The following RILPL1 variants were observed in gnomAD, a reference collection of about 807,000 sequenced individuals.
RILPL1 encodes Rab interacting lysosomal protein like 1, also known as RILP-like protein 1.
In RILPL1, 33 loss-of-function variants were observed where a neutral mutation model predicts 50.3. The ratio of observed to expected loss-of-function variants is 0.66; its 90% CI spans 0.50 to 0.88. The LOEUF (loss-of-function observed/expected upper bound fraction) is 0.88, where lower values mean the gene tolerates loss of function less well. RILPL1 is among the 40% of genes least tolerant of loss of function. RILPL1 has a pLI of 0.00. For missense variants in RILPL1, 418 were observed against 542.5 expected, an observed-to-expected ratio of 0.77 and a Z score of 2.28; for synonymous variants, 205 against 228.6, an observed-to-expected ratio of 0.90 and a Z score of 0.93.
intron 2 of RILPL1, among the ~76,000 whole-genome samples, chr12:123,520,706 C>T (rs1009793516): frequency 4.6e-5 from 7 of 152,270 alleles, no homozygotes; most frequent in African/African-American, 9.6e-5. Context: ...GGCAGGGAGA[C>T]GCAAGCCCCA....
At chr12:123,512,549 GTGTGTGTGTGAGGTCTGTA>G (rs1884397889) in intron 2 of RILPL1, among the ~76,000 whole-genome samples, 1 of 137,684 alleles carries the variant, frequency 7.3e-6, no homozygotes, top group African/African-American at 2.7e-5. Context: ...TCTGTGTGTG[GTGTGTGTGTGAGGTCTGTA>G]TGTGTGTGAG....
At position 123,471,622 on chromosome 12, in the gene RILPL1, A is replaced by T. The variant is rs920516697; in HGVS notation, c.*916T>A. 2.4e-4 allele frequency: 37 copies of T among 152,212 alleles called. No homozygotes were observed. Among genetic ancestry groups the T allele is most frequent in the African/African-American group, 6.3e-4 (26 of 41,396 alleles). The allele number at this position is 152,212 out of a possible 1,614,324, so 9.4% of individuals were successfully genotyped here. A position where few individuals can be genotyped will look rare whatever the true frequency, so the allele number is the denominator to read the frequency against. On this transcript the variant is annotated 3_prime_UTR_variant, in exon 7 of 7. Coordinates refer to ENST00000376874, the MANE Select transcript of RILPL1 (RefSeq NM_178314.5). ...CAGCCAGACGTGTGGTCCCCAAGCC[A>T]GCTTCCCACCTAGCACCCTTGTTCT... is the stretch of plus-strand genomic sequence containing the variant.
In RILPL1 at chr12:123,522,343, G is replaced by GC. The variant is rs975516494; in HGVS notation, c.460+1151dup. 1.5e-3 allele frequency among the ~76,000 whole-genome samples: 236 copies of GC among 152,292 alleles called. 1 individual carries two copies. Among genetic ancestry groups the GC allele is most frequent in the African/African-American group, 5.5e-3 (227 of 41,570 alleles). On this transcript the variant is annotated intron_variant, in intron 2 of 6. Coordinates refer to ENST00000376874, the MANE Select transcript of RILPL1 (RefSeq NM_178314.5). The surrounding 1 kb of genome is among the most constrained non-coding windows in gnomAD (Gnocchi z 4.0). ...TTGCGGCCCATTTGTCCTTTTCCCA[G>GC]CACCAGCAGAGGCCCTGCATGAAGG...
chr12:123,472,997 C>A, intron 6 of RILPL1: 1 of 264,660 alleles, frequency 3.8e-6, no homozygotes, highest in South Asian at 6.6e-5. Flanking sequence ...TCAAAAGCTG[C>A]TGAAACAAAT....
chr12:123,505,827 G>A (rs766860503), intron 2 of RILPL1, among the ~76,000 whole-genome samples: 10 of 152,142 alleles, frequency 6.6e-5, no homozygotes, highest in Middle Eastern at 3.4e-3. Context: ...GTCTTGCCAC[G>A]TTGCCCAGGC....
At chr12:123,511,210 G>A (rs1884153842) in intron 2 of RILPL1, among the ~76,000 whole-genome samples, 1 of 145,430 alleles carries the variant, frequency 6.9e-6, no homozygotes, top group South Asian at 2.2e-4. Context: ...AGGTCTGTAT[G>A]TGTGTGTGTG....
chr12:123,507,219 G>A (rs899077421), intron 2 of RILPL1, among the ~76,000 whole-genome samples: 16 of 152,182 alleles, frequency 1.1e-4, no homozygotes, highest in African/African-American at 3.6e-4. Context: ...ACATGCCTCA[G>A]GAGGAAGATG....
rs754927915 is a variant in RILPL1 at position 123,484,130 on chromosome 12, C to A, written c.1067+50G>T. 4.1e-6 allele frequency: 5 copies of A among 1,233,324 alleles called. No individual in the cohort carries two copies. The East Asian group carries it at 9.3e-5, about 23-fold the overall frequency. The allele number at this position is 1,233,324 out of a possible 1,614,324, so 76.4% of individuals were successfully genotyped here. A position where few individuals can be genotyped will look rare whatever the true frequency, so the allele number is the denominator to read the frequency against. On this transcript the variant is annotated intron_variant, in intron 6 of 6. Transcript: ENST00000376874. ...GCCAAGGAGGAAAAGTCAAAGGACA[C>A]GTGAACCGCCAGGTCAGCCGAGCGC...
At chr12:123,525,351 G>A (rs28833471) in intron 1 of RILPL1, among the ~76,000 whole-genome samples, 2 of 150,084 alleles carry the variant, frequency 1.3e-5, no homozygotes, top group African/African-American at 4.9e-5. Flanking sequence ...CCAGTAGCTG[G>A]GACTACAGGC....
chr12:123,475,543 C>A, intron 6 of RILPL1: 1 of 688,326 alleles, frequency 1.5e-6, no homozygotes, highest in Non-Finnish European at 2.6e-6. Context: ...AAATGGAGCA[C>A]ACAGGTGGCG....
intron 5 of RILPL1, chr12:123,484,704 G>C (rs1379672827): frequency 5.0e-6 from 1 of 199,310 alleles, no homozygotes; most frequent in Non-Finnish European, 9.7e-6. Flanking sequence ...GCCCAGGCTC[G>C]AGTGCAGTGG....
intron 6 of RILPL1, among the ~76,000 whole-genome samples, chr12:123,478,173 AT>A (rs1369273453): frequency 2.6e-5 from 4 of 151,012 alleles, no homozygotes; most frequent in African/African-American, 7.3e-5. Context: ...ATTAAAAAAA[AT>A]TTTTTTCCTC....
intron 1 of RILPL1, among the ~76,000 whole-genome samples, chr12:123,530,163 T>TTTG (rs928090067): frequency 5.9e-5 from 9 of 151,868 alleles, no homozygotes; most frequent in African/African-American, 2.2e-4. Flanking sequence ...ACCTCACTGG[T>TTTG]TTGTTGTTGT....
At chr12:123,518,984 G>A (rs932150354) in intron 2 of RILPL1, among the ~76,000 whole-genome samples, 1 of 150,000 alleles carries the variant, frequency 6.7e-6, no homozygotes, top group Non-Finnish European at 1.5e-5. Context: ...TTGAACCTGG[G>A]AGGTGGAGGT....
At chr12:123,484,637 C>T (rs1293958514) in intron 5 of RILPL1, among the ~76,000 whole-genome samples, 1 of 150,822 alleles carries the variant, frequency 6.6e-6, no homozygotes, top group East Asian at 1.9e-4. Flanking sequence ...AGTGATCTCT[C>T]CCACTCTCCC....
chr12:123,492,322 T>C (rs1049643963), intron 4 of RILPL1, among the ~76,000 whole-genome samples: 4 of 152,112 alleles, frequency 2.6e-5, no homozygotes, highest in Admixed American at 2.6e-4. Context: ...CATGCTAAGT[T>C]AAAGAAGCCA....
intron 1 of RILPL1, among the ~76,000 whole-genome samples, chr12:123,529,936 T>A (rs1885391105): frequency 6.6e-6 from 1 of 150,448 alleles, no homozygotes; most frequent in Admixed American, 6.6e-5. Flanking sequence ...AATTGCACCA[T>A]CCCATGGAAA....
intron 2 of RILPL1, chr12:123,518,463 C>T (rs1428080321): frequency 3.9e-5 from 9 of 233,718 alleles, no homozygotes; most frequent in African/African-American, 1.5e-4. Context: ...ACTATAATTG[C>T]GCCACTGCAC....
rs1882682755 is a variant in RILPL1, at chr12:123,491,434, C to T, written c.802-5629G>A. Among the ~76,000 whole-genome samples, 1 of 152,200 alleles carries T rather than the reference C, an allele frequency of 6.6e-6. No individual in the cohort carries two copies. The highest frequency in any genetic ancestry group is 1.5e-5 in the Non-Finnish European group (1 of 68,032). On this transcript the variant is annotated intron_variant, in intron 4 of 6. Coordinates refer to ENST00000376874, the MANE Select transcript of RILPL1 (RefSeq NM_178314.5). This position sits in a 1 kb window ranked among gnomAD's most constrained non-coding sequence, Gnocchi z 4.0. ...CTGCCCAGAGGCCTTAGGGAGGCAG[C>T]ATCCTGGGTCAGGGCCTCCATCCCG...
Sources: gnomAD v4.1 joint callset for allele counts (sites outside exome capture counted in the v4.1 genomes callset) on GRCh38, gnomAD v4.1.1 for gene constraint, Gnocchi (gnomAD v3.1) non-coding constraint, MANE v1.5 for transcripts, NCBI Gene and HGNC (gene_info 2026-07-23, HGNC 2026-07-21) for gene names.